Variants in PCSK1 observed in about 807,000 individuals in gnomAD.
PCSK1 encodes proprotein convertase subtilisin/kexin type 1.
Under a neutral mutation model 90.6 loss-of-function variants are expected in PCSK1, and 56 were observed. The observed-to-expected ratio is 0.62, with a 90% confidence interval of 0.50 to 0.77. The LOEUF (loss-of-function observed/expected upper bound fraction) is 0.77, where lower values mean the gene tolerates loss of function less well. PCSK1 is among the 30% of genes least tolerant of loss of function. The pLI is 0.00. For missense variants in PCSK1, 801 were observed against 932.6 expected (o/e 0.86, Z 1.84); for synonymous variants, 348 against 342.4 (o/e 1.02, Z -0.18).
At chr5:96,404,143 C>T (rs1318477864) in intron 9 of PCSK1, among the ~76,000 whole-genome samples, 1 of 152,196 alleles carries the variant, frequency 6.6e-6, no homozygotes, top group Non-Finnish European at 1.5e-5. Context: ...CTCCAAGATA[C>T]ACCTACTAAC....
chr5:96,400,943 C>T (rs1397008993), intron 9 of PCSK1, among the ~76,000 whole-genome samples: 4 of 151,024 alleles, frequency 2.6e-5, no homozygotes, highest in East Asian at 1.9e-4. Flanking sequence ...AAAAATTAGC[C>T]GGGCGCGGTG....
Position 96,394,874 on chromosome 5 carries a change from T to A in PCSK1, c.1874A>T (p.Asp625Val). The A allele has an allele frequency of 6.2e-7, 1 of 1,614,094 alleles. No individual in the cohort carries two copies. The highest frequency in any genetic ancestry group is 8.5e-7 in the Non-Finnish European group (1 of 1,179,970). ...CAGAGCCACACAGACCTCCCCTGGA[T>A]CCACCATCTTCTCCACCCCTCTTCT... The part of the protein sequence containing the change: ...NDRRGVEKMV[D>V]PGEEQPTQEN... The change falls in exon 13 of 14, where the codon GAT becomes GTT. Residue 625 changes from aspartate to valine, a missense_variant. Asp to Val is a radical substitution (Grantham distance 152). Transcript: ENST00000311106.
intron 5 of PCSK1, among the ~76,000 whole-genome samples, chr5:96,420,255 C>T (rs1436523707): frequency 1.3e-5 from 2 of 152,170 alleles, no homozygotes; most frequent in African/African-American, 4.8e-5. Context: ...TCTCCAAGGT[C>T]ACCCTTTACT....
At chr5:96,398,468 T>C (rs1760241387) in intron 11 of PCSK1, among the ~76,000 whole-genome samples, 1 of 152,192 alleles carries the variant, frequency 6.6e-6, no homozygotes, top group Admixed American at 6.5e-5. Context: ...CTTCTCAATC[T>C]CCTCTAATCG....
chr5:96,410,414 A>G (rs945271042), intron 8 of PCSK1, among the ~76,000 whole-genome samples: 2 of 152,054 alleles, frequency 1.3e-5, no homozygotes, highest in Non-Finnish European at 2.9e-5. Context: ...ATCAGCAAGT[A>G]CAAGGGTGAT....
In PCSK1 at chr5:96,399,727, T is replaced by A. The variant is rs113784466; in HGVS notation, c.1430+226A>T. On this transcript the variant is annotated intron_variant, in intron 10 of 13. Transcript: ENST00000311106. Reference sequence around the variant, plus strand: ...AAACAATGGTGCATCTTAGACTGGGTGCTATGTGGTAGGTGGACTACAAGA... The same window carrying A: ...AAACAATGGTGCATCTTAGACTGGGAGCTATGTGGTAGGTGGACTACAAGA... 6.2e-3 allele frequency among the ~76,000 whole-genome samples: 940 copies of A among 152,222 alleles called. 13 individuals carry two copies. Among genetic ancestry groups the A allele is most frequent in the African/African-American group, 0.022 (893 of 41,510 alleles).
chr5:96,422,467 G>T (rs1761159022), intron 4 of PCSK1, among the ~76,000 whole-genome samples: 1 of 152,162 alleles, frequency 6.6e-6, no homozygotes, highest in South Asian at 2.1e-4. Context: ...GAGAGAGGGT[G>T]CTTGAAATTC....
chr5:96,420,477 G>A (rs768871559), intron 5 of PCSK1, among the ~76,000 whole-genome samples: 1 of 152,070 alleles, frequency 6.6e-6, no homozygotes, highest in Non-Finnish European at 1.5e-5. Context: ...CACCTCTAAG[G>A]GATATTTGCG....
intron 1 of PCSK1, among the ~76,000 whole-genome samples, chr5:96,431,916 T>C (rs1761514007): frequency 6.6e-6 from 1 of 152,138 alleles, no homozygotes. Context: ...AGGAAAGCTC[T>C]AGACTAGAAG....
chr5:96,409,122 G>A (rs1185379314), intron 8 of PCSK1, among the ~76,000 whole-genome samples: 1 of 152,180 alleles, frequency 6.6e-6, no homozygotes, highest in Non-Finnish European at 1.5e-5. Flanking sequence ...TAACTTTAGG[G>A]TAATGAAGAG....
rs562114561 is a variant in PCSK1, at chr5:96,431,161, A to G, written c.180+1702T>C. The stretch of plus-strand genomic sequence containing the variant: ...GATGTCCACAGTACCCACCAGCACA[A>G]TTTCCTCTGCTACTCATACCCTCTT... On this transcript the variant is annotated intron_variant, in intron 1 of 13. Coordinates refer to ENST00000311106, the MANE Select transcript of PCSK1 (RefSeq NM_000439.5). 2.0e-5 allele frequency among the ~76,000 whole-genome samples: 3 copies of G among 152,216 alleles called. No individual in the cohort carries two copies. In the South Asian group the frequency reaches 6.2e-4, roughly 32 times the overall value.
intron 5 of PCSK1, among the ~76,000 whole-genome samples, chr5:96,420,496 C>A (rs1046056377): frequency 6.6e-6 from 1 of 152,156 alleles, no homozygotes; most frequent in Non-Finnish European, 1.5e-5. Context: ...CGGTTAACCC[C>A]TTTAGTCACC....
In PCSK1 at chr5:96,412,437, C is replaced by T; in HGVS notation, c.763G>A (p.Gly255Arg). ...ATATCCACGTGTCCAGGATTGAATC[C>T]AATTGAACTGGCCTCAATAGCATCC... ...VTDAIEASSI[G>R]FNPGHVDIYS... The change falls in exon 7 of 14, where the codon GGA becomes AGA. Residue 255 changes from glycine to arginine, a missense_variant. By Grantham distance (125) the Gly-to-Arg change is moderately radical (BLOSUM62 -2). Coordinates refer to ENST00000311106, the MANE Select transcript of PCSK1 (RefSeq NM_000439.5). The T allele has an allele frequency of 6.2e-7, 1 of 1,613,984 alleles. No individual in the cohort carries two copies. Among genetic ancestry groups the T allele is most frequent in the Non-Finnish European group, 8.5e-7 (1 of 1,179,890 alleles).
At chr5:96,424,758 T>G (rs1262762206) in intron 3 of PCSK1, among the ~76,000 whole-genome samples, 1 of 151,206 alleles carries the variant, frequency 6.6e-6, no homozygotes, top group African/African-American at 2.4e-5. Flanking sequence ...AGGTCAGGAG[T>G]TCGAGACCAG....
intron 6 of PCSK1, among the ~76,000 whole-genome samples, chr5:96,415,083 C>T (rs1478209530): frequency 6.6e-6 from 1 of 152,134 alleles, no homozygotes; most frequent in Admixed American, 6.5e-5. Flanking sequence ...AAGCTTATAA[C>T]ATAACATGAA....
At chr5:96,404,709 G>A (rs1423178357) in intron 9 of PCSK1, among the ~76,000 whole-genome samples, 1 of 152,208 alleles carries the variant, frequency 6.6e-6, no homozygotes, top group African/African-American at 2.4e-5. Context: ...GCTGCAAGGT[G>A]TGGTTGCTGA....
At chr5:96,408,088 T>C (rs1760632029) in intron 9 of PCSK1, 135 bp downstream of exon 9, 1 of 702,350 alleles carries the variant, frequency 1.4e-6, no homozygotes, top group African/African-American at 1.8e-5. Flanking sequence ...GACCTCGAAG[T>C]GGCAGGAAAG....
In PCSK1 at chr5:96,433,055, C is replaced by T. The variant is rs1761558351; in HGVS notation, c.-13G>A. On this transcript the variant is annotated 5_prime_UTR_variant, in exon 1 of 14. Transcript: ENST00000311106. ...CTCTTCGCTCCATAGCTCACACACT[C>T]GCTTGAACAAGAGTGGGAAGGGAAG... is the stretch of plus-strand genomic sequence containing the variant. 1.9e-6 allele frequency: 3 copies of T among 1,613,192 alleles called. No homozygotes were observed. Among genetic ancestry groups the T allele is most frequent in the African/African-American group, 1.3e-5 (1 of 74,900 alleles).
In PCSK1 at chr5:96,416,066, C is replaced by T. The variant is rs771394982; in HGVS notation, c.676G>A (p.Gly226Arg). Residue 226 changes from glycine to arginine, a missense_variant, in exon 6 of 14, where the codon GGG (glycine) becomes AGG (arginine). Transcript: ENST00000311106. Reference protein sequence around the residue: ...IAMQANNHKCGVGVAYNSKVG... With the variant: ...IAMQANNHKCRVGVAYNSKVG... ...TTGGAATTGTATGCAACTCCAACCC[C>T]GCATTTGTGATTATTTGCTTGCATG... 1.3e-5 allele frequency: 21 copies of T among 1,612,928 alleles called. No individual in the cohort carries two copies. The highest frequency in any genetic ancestry group is 1.5e-5 in the Non-Finnish European group (18 of 1,179,076).
Sources: gnomAD v4.1 joint callset for allele counts (sites outside exome capture counted in the v4.1 genomes callset) on GRCh38, gnomAD v4.1.1 for gene constraint, MANE v1.5 for transcripts, NCBI Gene and HGNC (gene_info 2026-07-23, HGNC 2026-07-21) for gene names.